The following NOS1 variants were observed in gnomAD, a reference collection of about 807,000 sequenced individuals.
The protein encoded by NOS1 is nitric oxide synthase 1, also known as NOS type I.
NOS1 carries 51 observed loss-of-function variants against 164.5 expected under a neutral mutation model. The ratio of observed to expected loss-of-function variants is 0.31; its 90% CI spans 0.25 to 0.39. The LOEUF is 0.39. Among genes scored for constraint, NOS1 ranks in the 10% least tolerant of loss-of-function variants. The pLI is 1.00. For synonymous variants in NOS1, 719 were observed against 745.8 expected (o/e 0.96, Z 0.59); for missense variants, 1,362 against 1,885.6 (o/e 0.72, Z 5.14).
chr12:117,326,802 G>A (rs577498818), intron 2 of NOS1, among the ~76,000 whole-genome samples: 4 of 152,326 alleles, frequency 2.6e-5, no homozygotes, highest in African/African-American at 4.8e-5. Context: ...CTGAGATGGC[G>A]TTTGGAGAGG....
rs984448846 is a variant in NOS1 at position 117,356,836 on chromosome 12, C to T, written c.-421+4676G>A. Among the ~76,000 whole-genome samples, 1 of 152,198 alleles carries T rather than the reference C, an allele frequency of 6.6e-6. No homozygotes were observed. The highest frequency in any genetic ancestry group is 1.5e-5 in the Non-Finnish European group (1 of 68,032). On this transcript the variant is annotated intron_variant, in intron 1 of 28. Coordinates refer to ENST00000317775, the MANE Select transcript of NOS1 (RefSeq NM_000620.5). The surrounding 1 kb of genome is among the most constrained non-coding windows in gnomAD (Gnocchi z 4.2). Reference sequence around the variant, plus strand: ...TTTTCCAGCATTGCCAGGTGCTGCTCATCATTCTTCCACCTTAAGAATGGG... The same window carrying T: ...TTTTCCAGCATTGCCAGGTGCTGCTTATCATTCTTCCACCTTAAGAATGGG...
chr12:117,295,618 T>A (rs1358757420), intron 3 of NOS1, among the ~76,000 whole-genome samples: 3 of 142,728 alleles, frequency 2.1e-5, no homozygotes. Context: ...GATCATTCTT[T>A]TTTTTTTTTT....
chr12:117,335,729 T>TGAGAGAGAGAGAGAGAGCGAGA (rs1875777299), intron 1 of NOS1, among the ~76,000 whole-genome samples: 1 of 112,540 alleles, frequency 8.9e-6, no homozygotes, highest in African/African-American at 3.6e-5. Flanking sequence ...ACAGACTATA[T>TGAGAGAGAGAGAGAGAGCGAGA]GAGAGAGAGA....
At chr12:117,279,300 T>C (rs1007303898) in intron 8 of NOS1, among the ~76,000 whole-genome samples, 3 of 151,850 alleles carry the variant, frequency 2.0e-5, no homozygotes, top group African/African-American at 7.3e-5. Flanking sequence ...TTGCTTGAAC[T>C]CAGAGTTGCA....
chr12:117,234,797 G>A lies in NOS1; in HGVS notation c.3042-39C>T. ...CAGAGGAATCATAGGACAAGGGCCA[G>A]CAGCTACTTCCTCCTTTTTTTGCTC... On this transcript the variant is annotated intron_variant, in intron 20 of 28. Coordinates refer to ENST00000317775, the MANE Select transcript of NOS1 (RefSeq NM_000620.5). The surrounding 1 kb of genome is among the most constrained non-coding windows in gnomAD (Gnocchi z 4.3). The A allele has an allele frequency of 6.5e-7, 1 of 1,545,210 alleles. No homozygotes were observed.
At chr12:117,326,109 G>A (rs1472395909) in intron 2 of NOS1, among the ~76,000 whole-genome samples, 1 of 149,720 alleles carries the variant, frequency 6.7e-6, no homozygotes, top group Admixed American at 6.6e-5. Flanking sequence ...GTGCTGGCCG[G>A]GCATGGTGGC....
intron 8 of NOS1, among the ~76,000 whole-genome samples, chr12:117,279,229 T>C (rs1395826574): frequency 6.6e-6 from 1 of 151,750 alleles, no homozygotes; most frequent in East Asian, 1.9e-4. Flanking sequence ...TACAAAAAAT[T>C]AGCCGGGCGT....
intron 3 of NOS1, among the ~76,000 whole-genome samples, chr12:117,301,776 C>A (rs1180231185): frequency 6.6e-6 from 1 of 152,194 alleles, no homozygotes; most frequent in Non-Finnish European, 1.5e-5. Context: ...GGAGATGCAG[C>A]CTTGTCATGA....
At chr12:117,329,668 G>T (rs1454963796) in intron 2 of NOS1, among the ~76,000 whole-genome samples, 1 of 152,152 alleles carries the variant, frequency 6.6e-6, no homozygotes, top group Non-Finnish European at 1.5e-5. Context: ...CACCTGCAGA[G>T]AATTGAAAAC....
At chr12:117,295,098 G>A (rs1172083400) in intron 3 of NOS1, among the ~76,000 whole-genome samples, 3 of 152,062 alleles carry the variant, frequency 2.0e-5, no homozygotes, top group Non-Finnish European at 2.9e-5. Flanking sequence ...CCTTCAACAA[G>A]TGCATATTGA....
chr12:117,228,304 C>G (rs559847920), intron 22 of NOS1, among the ~76,000 whole-genome samples: 32 of 152,252 alleles, frequency 2.1e-4, no homozygotes, highest in African/African-American at 5.8e-4. Context: ...CTGGGTGAAA[C>G]TGATCCTTGC....
At position 117,263,909 on chromosome 12, in the gene NOS1, A is replaced by G. The variant is rs2293054; in HGVS notation, c.2202T>C (p.Ile734=). The G allele has an allele frequency of 0.71, 1,147,247 of 1,612,974 alleles. 412,107 individuals carry two copies. Among genetic ancestry groups the G allele is most frequent in the African/African-American group, 0.89 (66,598 of 74,932 alleles). ...CTTACTCTGCTAGCTTCTTGAAGCC[A>G]ATGGCTCGCCGCTTTGTGGGGGTCC... ...TNGTPTKRRA[I]GFKKLAEAVK... Residue 734 remains isoleucine (I), a synonymous_variant, in exon 13 of 29, where the codon ATT becomes ATC. Coordinates refer to ENST00000317775, the MANE Select transcript of NOS1 (RefSeq NM_000620.5).
In NOS1 at chr12:117,327,111, G is replaced by GT. The variant is rs535029074; in HGVS notation, c.725+3233dup. Among the ~76,000 whole-genome samples, 14 of 152,332 alleles carry GT rather than the reference G, an allele frequency of 9.2e-5. No individual in the cohort carries two copies. In the East Asian group the frequency reaches 2.7e-3, roughly 29 times the overall value. ...CCCCTCCATGCCCACCTGATGCCCA[G>GT]TTGAGAATTGCAATCAAGTGCATGG... On this transcript the variant is annotated intron_variant, in intron 2 of 28. Coordinates refer to ENST00000317775, the MANE Select transcript of NOS1 (RefSeq NM_000620.5).
At chr12:117,288,299 A>T in intron 4 of NOS1, 80 bp from the exon 5 acceptor site, 1 of 1,391,380 alleles carries the variant, frequency 7.2e-7, no homozygotes, top group Non-Finnish European at 9.8e-7. Context: ...TGGATCTCGT[A>T]CTCATGGTTG....
At chr12:117,222,949 C>T in intron 25 of NOS1, 86 bp from the exon 26 acceptor site, 2 of 1,479,548 alleles carry the variant, frequency 1.4e-6, no homozygotes, top group Non-Finnish European at 1.8e-6. Flanking sequence ...GGTACTGAGA[C>T]CTTAGCGTGT....
chr12:117,345,550 T>C (rs1421126818), intron 1 of NOS1, among the ~76,000 whole-genome samples: 1 of 152,228 alleles, frequency 6.6e-6, no homozygotes, highest in Non-Finnish European at 1.5e-5. Flanking sequence ...ATCAATTTCA[T>C]AATTAGGATA....
intron 7 of NOS1, among the ~76,000 whole-genome samples, chr12:117,284,054 C>T (rs1424233211): frequency 1.1e-4 from 16 of 151,976 alleles, no homozygotes; most frequent in East Asian, 5.8e-4. Context: ...GATTACAGGC[C>T]GTTTTCTTAC....
intron 2 of NOS1, among the ~76,000 whole-genome samples, chr12:117,325,668 A>T (rs553403846): frequency 7.2e-4 from 110 of 152,330 alleles, no homozygotes; most frequent in African/African-American, 2.6e-3. Flanking sequence ...CACTGGGTAA[A>T]TTAAGGAAAA....
intron 3 of NOS1, among the ~76,000 whole-genome samples, chr12:117,293,702 C>T (rs1873214386): frequency 6.6e-6 from 1 of 151,236 alleles, no homozygotes; most frequent in Non-Finnish European, 1.5e-5. Context: ...ACTTGTATTA[C>T]TATTATTACT....
Sources: allele counts gnomAD v4.1 joint callset (sites outside exome capture counted in the v4.1 genomes callset), GRCh38; gene constraint gnomAD v4.1.1; non-coding constraint Gnocchi (gnomAD v3.1); transcripts MANE v1.5; gene names NCBI Gene and HGNC (gene_info 2026-07-23, HGNC 2026-07-21).